Variants in ERN1 observed in about 807,000 individuals in gnomAD.
ERN1 encodes the protein serine/threonine-protein kinase/endoribonuclease IRE1.
Under a neutral mutation model 113.1 loss-of-function variants are expected in ERN1, and 39 were observed. The observed-to-expected ratio is 0.34, with a 90% confidence interval of 0.27 to 0.45. The LOEUF is 0.45. ERN1 is among the 20% of genes least tolerant of loss of function. ERN1 has a pLI of 1.00. For synonymous variants in ERN1, 507 were observed against 515.9 expected (o/e 0.98, Z 0.23); for missense variants, 976 against 1,274.8 (o/e 0.77, Z 3.57).
At position 64,054,797 on chromosome 17, in the gene ERN1, T is replaced by C; in HGVS notation, c.1704A>G (p.Lys568=). 1.2e-6 allele frequency: 2 copies of C among 1,610,152 alleles called. No homozygotes were observed. Among genetic ancestry groups the C allele is most frequent in the Non-Finnish European group, 1.7e-6 (2 of 1,178,530 alleles). The change falls in exon 14 of 22, where the codon AAA becomes AAG. Residue 568 remains lysine, a synonymous_variant. Coordinates refer to ENST00000433197, the MANE Select transcript of ERN1 (RefSeq NM_001433.5). This position sits in a 1 kb window ranked among gnomAD's most constrained non-coding sequence, Gnocchi z 4.9. The stretch of plus-strand genomic sequence containing the variant: ...GGACATCCTTGGGACAGAAGGAAAT[T>C]TTCCCAACTATCACCACGCTGGTTT... ...DEETSVVIVG[K]ISFCPKDVLG... is the part of the protein sequence containing the mutation.
intron 2 of ERN1, among the ~76,000 whole-genome samples, chr17:64,089,318 CAAAAAAAAA>C (rs34094164): frequency 3.3e-4 from 8 of 24,256 alleles, no homozygotes; most frequent in East Asian, 2.8e-3. Context: ...GAATCCATCT[CAAAAAAAAA>C]AAAAAAAAAA....
At position 64,063,621 on chromosome 17, in the gene ERN1, A is replaced by G. The variant is rs950133594; in HGVS notation, c.1087+365T>C. ...ACTCCAAGTTAATTCTTCCATAGAA[A>G]CAGTCTCAGTTTTCTTAACTATAAA... On this transcript the variant is annotated intron_variant, in intron 10 of 21. Coordinates refer to ENST00000433197, the MANE Select transcript of ERN1 (RefSeq NM_001433.5). This position sits in a 1 kb window ranked among gnomAD's most constrained non-coding sequence, Gnocchi z 5.1. Among the ~76,000 whole-genome samples, 2 of 152,252 alleles carry G rather than the reference A, an allele frequency of 1.3e-5. No individual in the cohort carries two copies. Among genetic ancestry groups the G allele is most frequent in the South Asian group, 4.1e-4 (2 of 4,824 alleles).
chr17:64,125,119 GTGA>G (rs1334472204), intron 1 of ERN1, among the ~76,000 whole-genome samples: 2 of 152,166 alleles, frequency 1.3e-5, no homozygotes, highest in Non-Finnish European at 2.9e-5. Context: ...TGGGTGAATT[GTGA>G]TGATAGGTGA....
At chr17:64,118,142 G>T (rs1018634633) in intron 1 of ERN1, among the ~76,000 whole-genome samples, 28 of 152,250 alleles carry the variant, frequency 1.8e-4, no homozygotes, top group African/African-American at 6.7e-4. Flanking sequence ...CCTAAATGGT[G>T]ATCCTAATTT....
At chr17:64,088,211 T>C (rs1913988418) in intron 2 of ERN1, among the ~76,000 whole-genome samples, 1 of 152,182 alleles carries the variant, frequency 6.6e-6, no homozygotes, top group African/African-American at 2.4e-5. Context: ...CACCCTGCTT[T>C]TGCTTTTCCG....
rs1191557889 is a variant in ERN1 at position 64,065,852 on chromosome 17, T to C, written c.843-565A>G. Among the ~76,000 whole-genome samples the C allele has an allele frequency of 2.0e-5, 3 of 152,326 alleles. No homozygotes were observed. In the East Asian group the frequency reaches 5.8e-4, roughly 29 times the overall value. On this transcript the variant is annotated intron_variant, in intron 8 of 21. Coordinates refer to ENST00000433197, the MANE Select transcript of ERN1 (RefSeq NM_001433.5). ...TCCCCAGCTGTGTAGTCTGTCCCCA[T>C]GTGGGACATCAGGGAGACAGAAAAT...
chr17:64,054,003 A>C lies in ERN1; in HGVS notation c.1953+247T>G. 2.3e-6 allele frequency: 1 copy of C among 432,016 alleles called. No individual in the cohort carries two copies. The highest frequency in any genetic ancestry group is 4.2e-6 in the Non-Finnish European group (1 of 237,588). 26.8% of individuals were successfully genotyped at this position (432,016 alleles called of 1,614,324 possible). ...TGTCCAGGCTGGAGTGCAGTGGCAC[A>C]ATCACTGCTTACTGCAGCCTTGATC... On this transcript the variant is annotated intron_variant, in intron 15 of 21. Coordinates refer to ENST00000433197, the MANE Select transcript of ERN1 (RefSeq NM_001433.5). This position sits in a 1 kb window ranked among gnomAD's most constrained non-coding sequence, Gnocchi z 4.9.
At chr17:64,047,650 C>G (rs1168411748) in intron 19 of ERN1, among the ~76,000 whole-genome samples, 1 of 152,164 alleles carries the variant, frequency 6.6e-6, no homozygotes, top group Non-Finnish European at 1.5e-5. Context: ...ATATCATGTA[C>G]AGTTAAAAAA....
chr17:64,125,164 C>T (rs1480401555), intron 1 of ERN1, among the ~76,000 whole-genome samples: 3 of 152,120 alleles, frequency 2.0e-5, no homozygotes, highest in Non-Finnish European at 4.4e-5. Context: ...TTAAAATCTT[C>T]ATAGAGGTAA....
chr17:64,126,529 ACT>A (rs555792454), intron 1 of ERN1, among the ~76,000 whole-genome samples: 33 of 151,906 alleles, frequency 2.2e-4, no homozygotes, highest in Admixed American at 1.6e-3. Flanking sequence ...CTATTGTTGA[ACT>A]CTCTCTCGAA....
intron 1 of ERN1, among the ~76,000 whole-genome samples, chr17:64,104,616 C>T (rs1245460368): frequency 5.3e-5 from 8 of 152,104 alleles, no homozygotes; most frequent in Non-Finnish European, 8.8e-5. Context: ...GTCAGGAGTT[C>T]GAGAACAGCC....
At chr17:64,122,572 TA>T (rs1914981446) in intron 1 of ERN1, among the ~76,000 whole-genome samples, 1 of 152,214 alleles carries the variant, frequency 6.6e-6, no homozygotes, top group South Asian at 2.1e-4. Context: ...TTGAATCCCC[TA>T]AATGGTAAAA....
chr17:64,089,831 A>G (rs1415032924), intron 2 of ERN1, among the ~76,000 whole-genome samples: 1 of 150,784 alleles, frequency 6.6e-6, no homozygotes, highest in Non-Finnish European at 1.5e-5. Flanking sequence ...GACAGGTAAC[A>G]GTGAAACTAG....
Position 64,054,904 on chromosome 17 carries a change from G to A in ERN1, c.1673-76C>T. 1 of 1,105,000 alleles carries A rather than the reference G, an allele frequency of 9.0e-7. No homozygotes were observed. 68.4% of individuals were successfully genotyped at this position (1,105,000 alleles called of 1,614,324 possible). The stretch of plus-strand genomic sequence containing the variant: ...AACCTTGAGGTTAACATAGTGACAA[G>A]CTTCCTGACCTCAGATTAAAAGATG... On this transcript the variant is annotated intron_variant, in intron 13 of 21. Coordinates refer to ENST00000433197, the MANE Select transcript of ERN1 (RefSeq NM_001433.5). This position sits in a 1 kb window ranked among gnomAD's most constrained non-coding sequence, Gnocchi z 4.9.
intron 5 of ERN1, among the ~76,000 whole-genome samples, chr17:64,072,733 A>T (rs1913459734): frequency 6.6e-6 from 1 of 152,262 alleles, no homozygotes; most frequent in Non-Finnish European, 1.5e-5. Context: ...TGACAGGCAG[A>T]CAGCACAGTA....
rs1555615544 is a variant in ERN1 at position 64,075,260 on chromosome 17, A to AAG, written c.283-14_283-13insCT. 1.3e-5 allele frequency: 19 copies of AAG among 1,492,582 alleles called. No homozygotes were observed. The highest frequency in any genetic ancestry group is 1.1e-4 in the Admixed American group (4 of 35,006). The allele number at this position is 1,492,582 out of a possible 1,614,324, so 92.5% of individuals were successfully genotyped here. On this transcript the variant is annotated splice_polypyrimidine_tract_variant and intron_variant, in intron 4 of 21. Transcript: ENST00000433197. ...TAAAAGGAAGTTTCTTTAAAAAAAA[A>AAG]AAAAAAGAAAAAAAAAAGTTAACCA...
chr17:64,071,360 C>T (rs1157463181), intron 6 of ERN1, among the ~76,000 whole-genome samples: 1 of 151,952 alleles, frequency 6.6e-6, no homozygotes, highest in Non-Finnish European at 1.5e-5. Context: ...CACTACAAGT[C>T]TTTAAAAACA....
At chr17:64,048,373 C>G (rs1452902243) in intron 18 of ERN1, among the ~76,000 whole-genome samples, 1 of 152,190 alleles carries the variant, frequency 6.6e-6, no homozygotes, top group Non-Finnish European at 1.5e-5. Flanking sequence ...AATATGCAAT[C>G]ACGTCTAGAT....
chr17:64,108,437 G>A (rs550780290), intron 1 of ERN1, among the ~76,000 whole-genome samples: 2 of 152,236 alleles, frequency 1.3e-5, no homozygotes, highest in African/African-American at 4.8e-5. Flanking sequence ...ACATGAAATC[G>A]TTTTCCCTGA....
Sources: gnomAD v4.1 joint callset for allele counts (sites outside exome capture counted in the v4.1 genomes callset) on GRCh38, gnomAD v4.1.1 for gene constraint, Gnocchi (gnomAD v3.1) non-coding constraint, MANE v1.5 for transcripts, NCBI Gene and HGNC (gene_info 2026-07-23, HGNC 2026-07-21) for gene names.